CNGA1: variants seen among roughly 807,000 people sequenced by gnomAD.
The protein encoded by CNGA1 is cyclic nucleotide gated channel subunit alpha 1, also known as cyclic nucleotide-gated channel alpha-1.
CNGA1 carries 53 observed loss-of-function variants against 69.7 expected under a neutral mutation model. The observed-to-expected ratio is 0.76, with a 90% CI of 0.61 to 0.96. The LOEUF is 0.96. Ranked by LOEUF, CNGA1 falls within the 40% of genes least tolerant of loss-of-function variation. The pLI, the probability that CNGA1 is intolerant of heterozygous loss-of-function variation, is 0.00. For missense variants in CNGA1, 739 were observed against 811.2 expected, an observed-to-expected ratio of 0.91 and a Z score of 1.08; for synonymous variants, 249 against 283.5, an observed-to-expected ratio of 0.88 and a Z score of 1.22.
chr4:48,007,797 TC>T (rs1714987390), intron 2 of CNGA1, among the ~76,000 whole-genome samples: 1 of 152,332 alleles, frequency 6.6e-6, no homozygotes, highest in African/African-American at 2.4e-5. Context: ...GAAAAACCCT[TC>T]TGCAGTGTAC....
chr4:47,971,019 C>T (rs1217794662), intron 3 of CNGA1: 4 of 454,062 alleles, frequency 8.8e-6, no homozygotes, highest in East Asian at 7.0e-5. Flanking sequence ...AGCTGGAAAT[C>T]GCTTGAATCT....
intron 2 of CNGA1, among the ~76,000 whole-genome samples, chr4:47,986,506 A>T (rs895517140): frequency 2.0e-5 from 3 of 152,138 alleles, no homozygotes; most frequent in Non-Finnish European, 4.4e-5. Context: ...ATTTATTTTC[A>T]ATTTTCATTC....
chr4:47,971,205 G>T (rs7693852), intron 3 of CNGA1: 1 of 356,926 alleles, frequency 2.8e-6, no homozygotes, highest in Non-Finnish European at 5.5e-6. Flanking sequence ...TGTGCTGTGC[G>T]TAAAGGAGTG....
chr4:47,944,386 A>G (rs1739270291), intron 6 of CNGA1, among the ~76,000 whole-genome samples: 1 of 152,180 alleles, frequency 6.6e-6, no homozygotes, highest in Non-Finnish European at 1.5e-5. Flanking sequence ...GGACAGAACA[A>G]TAAAGTTGGA....
In CNGA1 at chr4:47,936,529, C is replaced by T; in HGVS notation, c.1953G>A (p.Leu651=). 6.2e-7 allele frequency: 1 copy of T among 1,614,144 alleles called. No individual in the cohort carries two copies. The highest frequency in any genetic ancestry group is 1.1e-5 in the South Asian group (1 of 91,078). ...TCTCAACCTTGGTTAATCTTTGTTT[C>T]AGTTTCTGCTGCATGGACTCATACT... ...LAEYESMQQK[L]KQRLTKVEKF... is the part of the protein sequence containing the mutation. The change falls in exon 11 of 11, where the codon CTG becomes CTA. Residue 651 remains leucine, a synonymous_variant. Coordinates refer to ENST00000514170, the MANE Select transcript of CNGA1 (RefSeq NM_001379270.1).
chr4:47,989,725 G>T (rs932844518), intron 2 of CNGA1, among the ~76,000 whole-genome samples: 8 of 149,352 alleles, frequency 5.4e-5, no homozygotes, highest in Admixed American at 1.3e-4. Flanking sequence ...GGTGATTTGT[G>T]AGATTTCATT....
In CNGA1 at chr4:48,015,008, T is replaced by TA. The variant is rs1234955573; in HGVS notation, c.-223+1474dup. Among the ~76,000 whole-genome samples, 155 of 145,906 alleles carry TA rather than the reference T, an allele frequency of 1.1e-3. 1 individual carries two copies. The highest frequency in any genetic ancestry group is 2.3e-3 in the African/African-American group (94 of 40,020). On this transcript the variant is annotated intron_variant, in intron 1 of 10. Transcript: ENST00000514170. ...TAACACGGTGAAACCCCATCTCTAC[T>TA]AAAAAAAAAAATACAAAAAATTAGC...
intron 3 of CNGA1, among the ~76,000 whole-genome samples, chr4:47,960,869 T>A (rs1258162293): frequency 6.6e-6 from 1 of 152,092 alleles, no homozygotes; most frequent in African/African-American, 2.4e-5. Flanking sequence ...GGCAAAACAT[T>A]GGTGATAGAA....
chr4:47,984,971 T>C (rs1741921046), intron 2 of CNGA1, among the ~76,000 whole-genome samples: 1 of 152,174 alleles, frequency 6.6e-6, no homozygotes, highest in South Asian at 2.1e-4. Context: ...TTTTCTACGA[T>C]ATCACACTGA....
chr4:48,011,410 C>CAT lies in CNGA1; in HGVS notation c.-222-519_-222-518dup, dbSNP rs1354575085. Among the ~76,000 whole-genome samples, 12 of 128,290 alleles carry CAT rather than the reference C, an allele frequency of 9.4e-5. No individual in the cohort carries two copies. In the South Asian group the frequency reaches 3.1e-3, roughly 33 times the overall value. 84.2% of individuals were successfully genotyped at this position (128,290 alleles called of 152,430 possible). A position where few individuals can be genotyped will look rare whatever the true frequency, so the allele number is the denominator to read the frequency against. On this transcript the variant is annotated intron_variant, in intron 1 of 10. Transcript: ENST00000514170. ...ATGCACACATGCACACACATGCACA[C>CAT]ATACACACACACACACACACATCTT...
intron 6 of CNGA1, among the ~76,000 whole-genome samples, chr4:47,949,295 G>A (rs1275396324): frequency 1.3e-5 from 2 of 152,136 alleles, no homozygotes; most frequent in Admixed American, 6.5e-5. Flanking sequence ...CTGTGCATGG[G>A]AACAAAGGCC....
At chr4:47,963,738 C>T (rs1040446974) in intron 3 of CNGA1, among the ~76,000 whole-genome samples, 2 of 152,114 alleles carry the variant, frequency 1.3e-5, no homozygotes, top group African/African-American at 4.8e-5. Context: ...TGAAAGAGTC[C>T]AAGGCAGGAC....
intron 10 of CNGA1, among the ~76,000 whole-genome samples, chr4:47,938,133 A>C (rs2110131502): frequency 6.6e-6 from 1 of 151,124 alleles, no homozygotes; most frequent in South Asian, 2.1e-4. Flanking sequence ...CCATGATAGC[A>C]CTACTGCATT....
At chr4:47,953,838 G>A (rs1739891519) in intron 3 of CNGA1, among the ~76,000 whole-genome samples, 1 of 152,188 alleles carries the variant, frequency 6.6e-6, no homozygotes, top group Non-Finnish European at 1.5e-5. Context: ...CGGGAAGGGG[G>A]ACAGGGAAGT....
At chr4:47,968,614 G>C (rs1740854786) in intron 3 of CNGA1, among the ~76,000 whole-genome samples, 1 of 152,172 alleles carries the variant, frequency 6.6e-6, no homozygotes, top group Admixed American at 6.6e-5. Flanking sequence ...AAGAGCAGGA[G>C]ACATAAATGC....
At chr4:47,983,928 C>CT (rs1741861289) in intron 2 of CNGA1, among the ~76,000 whole-genome samples, 1 of 152,160 alleles carries the variant, frequency 6.6e-6, no homozygotes, top group African/African-American at 2.4e-5. Context: ...GAGAGGGTTA[C>CT]TAGATTTGGC....
At chr4:47,961,982 T>A (rs1175031753) in intron 3 of CNGA1, among the ~76,000 whole-genome samples, 1 of 152,198 alleles carries the variant, frequency 6.6e-6, no homozygotes, top group Non-Finnish European at 1.5e-5. Flanking sequence ...AAATTTAACA[T>A]GTGAATTGAA....
intron 3 of CNGA1, among the ~76,000 whole-genome samples, chr4:47,963,734 A>G (rs1740582702): frequency 6.6e-6 from 1 of 152,238 alleles, no homozygotes; most frequent in Non-Finnish European, 1.5e-5. Context: ...GCCCTGAAAG[A>G]GTCCAAGGCA....
rs138053512 is a variant in CNGA1 at position 47,937,650 on chromosome 4, A to T, written c.832T>A (p.Phe278Ile). 3.6e-5 allele frequency: 58 copies of T among 1,614,164 alleles called. No homozygotes were observed. The East Asian group carries it at 1.2e-3, about 35-fold the overall frequency. ...GTTTCTGTTCTCTGGAAGAACTCAA[A>T]CATACGAGAGAACCGTAACAACCTG... ...LNRLLRFSRM[F>I]EFFQRTETRT... Residue 278 changes from phenylalanine to isoleucine, a missense_variant, in exon 11 of 11, where the codon TTT (phenylalanine) becomes ATT (isoleucine). By Grantham distance (21) the Phe-to-Ile change is conservative (BLOSUM62 0). Coordinates refer to ENST00000514170, the MANE Select transcript of CNGA1 (RefSeq NM_001379270.1).
Sources: allele counts gnomAD v4.1 joint callset (sites outside exome capture counted in the v4.1 genomes callset), GRCh38; gene constraint gnomAD v4.1.1; transcripts MANE v1.5; gene names NCBI Gene and HGNC (gene_info 2026-07-23, HGNC 2026-07-21).